Variants in FAM184B observed in about 807,000 individuals in gnomAD.
The protein encoded by FAM184B is protein FAM184B.
Under a neutral mutation model 135.9 loss-of-function variants are expected in FAM184B, and 111 were observed. The ratio of observed to expected loss-of-function variants is 0.82; its 90% confidence interval spans 0.70 to 0.96. The LOEUF is 0.96. Ranked by LOEUF, FAM184B falls within the 40% of genes least tolerant of loss-of-function variation. The probability of loss-of-function intolerance (pLI) is 0.00; values close to 1 mark genes in which losing one functional copy is unlikely to be tolerated. For synonymous variants in FAM184B, 552 were observed against 524.8 expected (o/e 1.05, Z -0.71); for missense variants, 1,375 against 1,323.9 (o/e 1.04, Z -0.60).
In FAM184B at chr4:17,690,226, A is replaced by G. The variant is rs893001839; in HGVS notation, c.1489-1695T>C. On this transcript the variant is annotated intron_variant, in intron 6 of 17. Coordinates refer to ENST00000265018, the MANE Select transcript of FAM184B (RefSeq NM_015688.2). ...GCAGCTTAAGGGCACTGAAGGATGA[A>G]CAGGAGTCTGCCATTGGTGAAGGTG... Among the ~76,000 whole-genome samples the G allele has an allele frequency of 2.0e-5, 3 of 152,194 alleles. No homozygotes were observed. In the South Asian group the frequency reaches 6.2e-4, roughly 31 times the overall value.
chr4:17,747,855 A>G (rs1718202657), intron 1 of FAM184B, among the ~76,000 whole-genome samples: 1 of 132,630 alleles, frequency 7.5e-6, no homozygotes, highest in Non-Finnish European at 1.6e-5. Flanking sequence ...CGGGAGGCGG[A>G]GCTTGCAGTG....
chr4:17,646,686 A>T (rs1405756186), intron 12 of FAM184B, among the ~76,000 whole-genome samples: 1 of 152,222 alleles, frequency 6.6e-6, no homozygotes, highest in Non-Finnish European at 1.5e-5. Context: ...ATATGTAACA[A>T]ACCTGCACAT....
At chr4:17,637,028 CTTTT>C (rs966128863) in intron 14 of FAM184B, among the ~76,000 whole-genome samples, 2 of 151,844 alleles carry the variant, frequency 1.3e-5, no homozygotes, top group East Asian at 1.9e-4. Flanking sequence ...TACCTATGGC[CTTTT>C]TTTTCTTTTT....
intron 1 of FAM184B, among the ~76,000 whole-genome samples, chr4:17,780,546 C>T (rs1719013176): frequency 6.6e-6 from 1 of 152,048 alleles, no homozygotes; most frequent in Admixed American, 6.5e-5. Flanking sequence ...TCAGAGCCCC[C>T]TGCACGAGGT....
At chr4:17,685,552 C>T (rs1275966116) in intron 7 of FAM184B, among the ~76,000 whole-genome samples, 1 of 95,724 alleles carries the variant, frequency 1.0e-5, no homozygotes, top group Non-Finnish European at 2.0e-5. Flanking sequence ...AAGTGAGACT[C>T]TGTCTCAAAA....
chr4:17,744,107 T>C (rs542446352), intron 1 of FAM184B, among the ~76,000 whole-genome samples: 6 of 152,312 alleles, frequency 3.9e-5, no homozygotes, highest in African/African-American at 1.2e-4. Context: ...CTTTCTGATT[T>C]TTCTATGCCT....
chr4:17,781,341 C>T lies in FAM184B; in HGVS notation c.-42G>A. The T allele has an allele frequency of 6.7e-7, 1 of 1,482,238 alleles. No homozygotes were observed. The highest frequency in any genetic ancestry group is 9.0e-7 in the Non-Finnish European group (1 of 1,108,970). The allele number at this position is 1,482,238 out of a possible 1,614,324, so 91.8% of individuals were successfully genotyped here. On this transcript the variant is annotated 5_prime_UTR_variant, in exon 1 of 18. Coordinates refer to ENST00000265018, the MANE Select transcript of FAM184B (RefSeq NM_015688.2). This position sits in a 1 kb window ranked among gnomAD's most constrained non-coding sequence, Gnocchi z 6.5. The stretch of plus-strand genomic sequence containing the variant: ...GCACTCAGACTCTCTCGTTTTCTCC[C>T]TGCCCACCGTGTGCACGTGCGTGCG...
intron 7 of FAM184B, among the ~76,000 whole-genome samples, chr4:17,683,632 C>T (rs1716498589): frequency 6.6e-6 from 1 of 152,064 alleles, no homozygotes; most frequent in African/African-American, 2.4e-5. Context: ...TTAAAACAAT[C>T]TAAATGTCAA....
In FAM184B at chr4:17,673,643, C is replaced by T. The variant is rs1716245231; in HGVS notation, c.1597-8984G>A. ...CCTGGATGAGATTGGAGATATTATTCTAAGTGAAATAACTCAGGAATTGGA... is the reference window on the plus strand; with the variant it reads ...CCTGGATGAGATTGGAGATATTATTTTAAGTGAAATAACTCAGGAATTGGA... On this transcript the variant is annotated intron_variant, in intron 7 of 17. Transcript: ENST00000265018. Among the ~76,000 whole-genome samples, 4 of 152,194 alleles carry T rather than the reference C, an allele frequency of 2.6e-5. No homozygotes were observed. In the South Asian group the frequency reaches 8.3e-4, roughly 32 times the overall value.
Position 17,629,657 on chromosome 4 carries a change from C to T in FAM184B, c.*2875G>A, listed in dbSNP as rs1188574516. 1 of 151,828 alleles carries T rather than the reference C, an allele frequency of 6.6e-6. No individual in the cohort carries two copies. The highest frequency in any genetic ancestry group is 2.4e-5 in the African/African-American group (1 of 41,104). The allele number at this position is 151,828 out of a possible 1,614,324, so 9.4% of individuals were successfully genotyped here. ...AATACTGTTTTTTTCTCTCTCTTAA[C>T]TTAATCCCGAATTGGATAATTTCTC... On this transcript the variant is annotated 3_prime_UTR_variant, in exon 18 of 18. Coordinates refer to ENST00000265018, the MANE Select transcript of FAM184B (RefSeq NM_015688.2).
At chr4:17,768,361 G>A (rs2108996303) in intron 1 of FAM184B, among the ~76,000 whole-genome samples, 1 of 152,146 alleles carries the variant, frequency 6.6e-6, no homozygotes, top group East Asian at 1.9e-4. Flanking sequence ...TGCAACCTCT[G>A]CCTCCCAAGT....
rs576681936 is a variant in FAM184B, at chr4:17,682,752, G to A, written c.1596+5672C>T. Among the ~76,000 whole-genome samples, 32 of 152,202 alleles carry A rather than the reference G, an allele frequency of 2.1e-4. 1 individual carries two copies. The highest frequency in any genetic ancestry group is 1.2e-3 in the East Asian group (6 of 5,168). On this transcript the variant is annotated intron_variant, in intron 7 of 17. Coordinates refer to ENST00000265018, the MANE Select transcript of FAM184B (RefSeq NM_015688.2). ...GGCCTCAAGTGATCCACCTGCCTCCGTCTCTCGAAATGCTGGGATTATAAG... is the reference window on the plus strand; with the variant it reads ...GGCCTCAAGTGATCCACCTGCCTCCATCTCTCGAAATGCTGGGATTATAAG...
intron 1 of FAM184B, among the ~76,000 whole-genome samples, chr4:17,751,678 C>A (rs1008401686): frequency 1.3e-5 from 2 of 151,968 alleles, no homozygotes; most frequent in Non-Finnish European, 2.9e-5. Context: ...GTTTCAACAT[C>A]CACGTTTAAG....
chr4:17,781,348 C>T lies in FAM184B; in HGVS notation c.-49G>A. Reference sequence around the variant, plus strand: ...GACTCTCTCGTTTTCTCCCTGCCCACCGTGTGCACGTGCGTGCGCGCGCGG... The same window carrying T: ...GACTCTCTCGTTTTCTCCCTGCCCATCGTGTGCACGTGCGTGCGCGCGCGG... On this transcript the variant is annotated 5_prime_UTR_variant, in exon 1 of 18. In the 5' UTR this introduces an upstream ATG that the reference lacks. Transcript: ENST00000265018. This position sits in a 1 kb window ranked among gnomAD's most constrained non-coding sequence, Gnocchi z 6.5. The T allele has an allele frequency of 6.8e-7, 1 of 1,475,160 alleles. No homozygotes were observed. Among genetic ancestry groups the T allele is most frequent in the Non-Finnish European group, 9.0e-7 (1 of 1,105,514 alleles). The allele number at this position is 1,475,160 out of a possible 1,614,324, so 91.4% of individuals were successfully genotyped here. A position where few individuals can be genotyped will look rare whatever the true frequency, so the allele number is the denominator to read the frequency against.
intron 7 of FAM184B, among the ~76,000 whole-genome samples, chr4:17,673,217 C>G (rs1269739189): frequency 6.6e-6 from 1 of 151,944 alleles, no homozygotes; most frequent in Non-Finnish European, 1.5e-5. Context: ...CTAATCAAAA[C>G]CACAACGTGA....
intron 10 of FAM184B, 94 bp from the exon 11 acceptor site, chr4:17,653,077 T>A: frequency 8.3e-7 from 1 of 1,208,718 alleles, no homozygotes; most frequent in Non-Finnish European, 1.2e-6. Context: ...CAGGATGCTC[T>A]GAACACTCGC....
chr4:17,635,838 G>A (rs1197911669), intron 15 of FAM184B, among the ~76,000 whole-genome samples: 2 of 152,196 alleles, frequency 1.3e-5, no homozygotes, highest in South Asian at 2.1e-4. Context: ...GAATCAGAGG[G>A]AGCTGGGTTC....
chr4:17,720,444 G>A (rs988084148), intron 1 of FAM184B, among the ~76,000 whole-genome samples: 2 of 152,116 alleles, frequency 1.3e-5, no homozygotes, highest in African/African-American at 4.8e-5. Flanking sequence ...AAACCACAAT[G>A]AGATAGCACT....
In FAM184B at chr4:17,779,000, A is replaced by T. The variant is rs185074662; in HGVS notation, c.141+2159T>A. On this transcript the variant is annotated intron_variant, in intron 1 of 17. Transcript: ENST00000265018. ...ACATACTAACTTTGTTAGCAAAAAA[A>T]TCAGAGTTAAGTATGTATGTTGAAA... Among the ~76,000 whole-genome samples the T allele has an allele frequency of 1.1e-4, 16 of 152,370 alleles. No homozygotes were observed. In the East Asian group the frequency reaches 2.9e-3, roughly 28 times the overall value.
Sources: gnomAD v4.1 joint callset for allele counts (sites outside exome capture counted in the v4.1 genomes callset) on GRCh38, gnomAD v4.1.1 for gene constraint, Gnocchi (gnomAD v3.1) non-coding constraint, MANE v1.5 for transcripts, NCBI Gene and HGNC (gene_info 2026-07-23, HGNC 2026-07-21) for gene names.